PRKAR2B: variants seen among roughly 807,000 people sequenced by gnomAD.
PRKAR2B encodes protein kinase cAMP-dependent type II regulatory subunit beta, also known as cAMP-dependent protein kinase type II-beta regulatory subunit.
PRKAR2B carries 14 observed loss-of-function variants against 49.9 expected under a neutral mutation model. That is an observed-to-expected ratio of 0.28 (90% CI 0.19 to 0.44). The LOEUF (loss-of-function observed/expected upper bound fraction) is 0.44. Among genes scored for constraint, PRKAR2B ranks in the 20% least tolerant of loss-of-function variants. The pLI, the probability that PRKAR2B is intolerant of heterozygous loss-of-function variation, is 1.00. For missense variants in PRKAR2B, 393 were observed against 537.9 expected, an observed-to-expected ratio of 0.73 and a Z score of 2.67; for synonymous variants, 196 against 197.7, an observed-to-expected ratio of 0.99 and a Z score of 0.07.
At chr7:107,089,790 A>G (rs919528821) in intron 2 of PRKAR2B, among the ~76,000 whole-genome samples, 1 of 152,214 alleles carries the variant, frequency 6.6e-6, no homozygotes, top group Non-Finnish European at 1.5e-5. Context: ...GCAGACTATC[A>G]TTTACATTCT....
At chr7:107,156,818 A>AT (rs1209596443) in intron 8 of PRKAR2B, among the ~76,000 whole-genome samples, 166 bp from the exon 9 acceptor site, 2 of 152,102 alleles carry the variant, frequency 1.3e-5, no homozygotes, top group Non-Finnish European at 2.9e-5. Context: ...AAAAAAAAAA[A>AT]ACCTCTTGAT....
At chr7:107,127,843 C>T (rs1795526542) in intron 3 of PRKAR2B, among the ~76,000 whole-genome samples, 1 of 152,242 alleles carries the variant, frequency 6.6e-6, no homozygotes, top group Admixed American at 6.5e-5. Flanking sequence ...AGTGTAGCTG[C>T]TGGCACCTGT....
rs567874902 is a variant in PRKAR2B at position 107,099,324 on chromosome 7, G to A, written c.344-22628G>A. 4.6e-5 allele frequency among the ~76,000 whole-genome samples: 7 copies of A among 152,308 alleles called. No homozygotes were observed. The South Asian group carries it at 8.3e-4, about 18-fold the overall frequency. ...TGTTGGACCCTCCTAACCAGGCGCG[G>A]GATATAATCTCCTGGTGTGCCGTTT... is the stretch of plus-strand genomic sequence containing the variant. On this transcript the variant is annotated intron_variant, in intron 2 of 10. Coordinates refer to ENST00000265717, the MANE Select transcript of PRKAR2B (RefSeq NM_002736.3).
rs78432102 is a variant in PRKAR2B at position 107,157,690 on chromosome 7, G to A, written c.1123+366G>A. Among the ~76,000 whole-genome samples, 513 of 152,274 alleles carry A rather than the reference G, an allele frequency of 3.4e-3. 5 individuals are homozygous for A. Among genetic ancestry groups the A allele is most frequent in the East Asian group, 0.028 (146 of 5,182 alleles). ...TATAAAGTCCGTTATTAAGATCTGC[G>A]GGGAATGCTGAGATGTTGTGAGAAT... is the stretch of plus-strand genomic sequence containing the variant. On this transcript the variant is annotated intron_variant, in intron 10 of 10. Transcript: ENST00000265717.
Position 107,045,322 on chromosome 7 carries a change from A to T in PRKAR2B, c.307+108A>T, listed in dbSNP as rs1002810314. The T allele has an allele frequency of 2.1e-6, 2 of 931,996 alleles. 1 individual carries two copies. Among genetic ancestry groups the T allele is most frequent in the Admixed American group, 6.6e-5 (2 of 30,140 alleles). The allele number at this position is 931,996 out of a possible 1,614,324, so 57.7% of individuals were successfully genotyped here. A position where few individuals can be genotyped will look rare whatever the true frequency, so the allele number is the denominator to read the frequency against. On this transcript the variant is annotated intron_variant, in intron 1 of 10. Transcript: ENST00000265717. The stretch of plus-strand genomic sequence containing the variant: ...GCTTTGCGCACCCACCTCTCCCCGC[A>T]TTCTCCACCTTTCCCTACCTTCCCA...
chr7:107,114,324 C>CTGTATG (rs1373642018), intron 2 of PRKAR2B, among the ~76,000 whole-genome samples: 13 of 130,874 alleles, frequency 9.9e-5, no homozygotes, highest in African/African-American at 3.3e-4. Flanking sequence ...GCATGTACAG[C>CTGTATG]TGTGTGTGTG....
At chr7:107,151,527 C>T (rs906408893) in intron 7 of PRKAR2B, among the ~76,000 whole-genome samples, 4 of 152,184 alleles carry the variant, frequency 2.6e-5, no homozygotes, top group Non-Finnish European at 4.4e-5. Flanking sequence ...ATACAGATGT[C>T]CCTTGACTTA....
intron 2 of PRKAR2B, among the ~76,000 whole-genome samples, chr7:107,084,920 C>T (rs993060502): frequency 2.6e-5 from 4 of 151,992 alleles, no homozygotes; most frequent in Non-Finnish European, 4.4e-5. Context: ...CCACCACGCC[C>T]GGCCTATATA....
intron 2 of PRKAR2B, among the ~76,000 whole-genome samples, chr7:107,080,428 A>T (rs1293793259): frequency 6.6e-6 from 1 of 152,194 alleles, no homozygotes; most frequent in Non-Finnish European, 1.5e-5. Flanking sequence ...GCAGCAATTC[A>T]TTTGAGGAAA....
intron 2 of PRKAR2B, among the ~76,000 whole-genome samples, chr7:107,080,206 G>T (rs1794489681): frequency 6.6e-6 from 1 of 152,318 alleles, no homozygotes; most frequent in African/African-American, 2.4e-5. Flanking sequence ...GAGTGGTCCA[G>T]ATGCCAGTGT....
intron 1 of PRKAR2B, among the ~76,000 whole-genome samples, chr7:107,062,095 AT>A (rs1177222606): frequency 1.3e-5 from 2 of 152,316 alleles, no homozygotes; most frequent in Non-Finnish European, 2.9e-5. Flanking sequence ...ATAAAGTGAT[AT>A]AAACACTTAG....
intron 1 of PRKAR2B, among the ~76,000 whole-genome samples, chr7:107,066,291 C>G (rs73413342): frequency 7.9e-6 from 1 of 127,220 alleles, no homozygotes; most frequent in African/African-American, 3.4e-5. Flanking sequence ...CTAGTTTTCT[C>G]TCTATGTGGG....
chr7:107,115,810 A>C (rs1034852198), intron 2 of PRKAR2B, among the ~76,000 whole-genome samples: 1 of 152,202 alleles, frequency 6.6e-6, no homozygotes, highest in Non-Finnish European at 1.5e-5. Context: ...CATCTTGCTG[A>C]AGTTAGGACT....
chr7:107,100,935 C>G (rs1165199127), intron 2 of PRKAR2B, among the ~76,000 whole-genome samples: 2 of 149,826 alleles, frequency 1.3e-5, no homozygotes, highest in Non-Finnish European at 3.0e-5. Context: ...TTTATAATAG[C>G]TGCCTTGAAA....
chr7:107,097,410 G>A (rs774686535), intron 2 of PRKAR2B, among the ~76,000 whole-genome samples: 10 of 151,994 alleles, frequency 6.6e-5, no homozygotes, highest in African/African-American at 9.7e-5. Context: ...ATCTCTGCAC[G>A]TGAGATGGGT....
intron 10 of PRKAR2B, among the ~76,000 whole-genome samples, chr7:107,158,507 C>A (rs190170157): frequency 1.3e-5 from 2 of 151,904 alleles, no homozygotes; most frequent in Admixed American, 1.3e-4. Context: ...TTTATTACAC[C>A]AAATTTTAAA....
chr7:107,137,408 GC>G (rs1251579893), intron 4 of PRKAR2B, among the ~76,000 whole-genome samples: 1 of 152,134 alleles, frequency 6.6e-6, no homozygotes, highest in Non-Finnish European at 1.5e-5. Flanking sequence ...ATCCCTACAT[GC>G]CTACAACAGC....
chr7:107,053,234 C>T (rs1456942362), intron 1 of PRKAR2B, among the ~76,000 whole-genome samples: 1 of 152,058 alleles, frequency 6.6e-6, no homozygotes, highest in Non-Finnish European at 1.5e-5. Flanking sequence ...TTTGAGTGTA[C>T]ACCCCAATAT....
chr7:107,126,930 G>A (rs1453471246), intron 3 of PRKAR2B, among the ~76,000 whole-genome samples: 1 of 152,168 alleles, frequency 6.6e-6, no homozygotes, highest in Non-Finnish European at 1.5e-5. Flanking sequence ...CCTTAGAGGG[G>A]AAAGTGCAGT....
Sources: gnomAD v4.1 joint callset for allele counts (sites outside exome capture counted in the v4.1 genomes callset) on GRCh38, gnomAD v4.1.1 for gene constraint, MANE v1.5 for transcripts, NCBI Gene and HGNC (gene_info 2026-07-23, HGNC 2026-07-21) for gene names.